The following IGLON5 variants were observed in gnomAD, a reference collection of about 807,000 sequenced individuals.
IGLON5 encodes the protein Ig-like domain-containing protein ENSP00000270642.
Under a neutral mutation model 38.2 loss-of-function variants are expected in IGLON5, and 16 were observed. That is an observed-to-expected ratio of 0.42 (90% confidence interval 0.28 to 0.64). The LOEUF (loss-of-function observed/expected upper bound fraction) is 0.64. Among genes scored for constraint, IGLON5 ranks in the 30% least tolerant of loss-of-function variants. The pLI, the probability that IGLON5 is intolerant of heterozygous loss-of-function variation, is 0.23. For missense variants in IGLON5, 366 were observed against 483.4 expected (o/e 0.76, Z 2.28); for synonymous variants, 207 against 216.4 (o/e 0.96, Z 0.38).
chr19:51,312,152 C>G (rs892701221), intron 1 of IGLON5, among the ~76,000 whole-genome samples: 5 of 151,998 alleles, frequency 3.3e-5, no homozygotes, highest in African/African-American at 9.7e-5. Flanking sequence ...GTCCTCGGGC[C>G]GGAGCCGGGT....
Position 51,327,728 on chromosome 19 carries a change from G to A in IGLON5, c.768-4G>A. On this transcript the variant is annotated splice_region_variant and splice_polypyrimidine_tract_variant and intron_variant, in intron 6 of 7. Transcript: ENST00000270642. This position sits in a 1 kb window ranked among gnomAD's most constrained non-coding sequence, Gnocchi z 7.1. ...GCCCGGCCCCTGACCCGGATCCCTG[G>A]CAGGCTGAGCAGCGGCACGGCCGAA... 1 of 1,566,432 alleles carries A rather than the reference G, an allele frequency of 6.4e-7. No homozygotes were observed. Among genetic ancestry groups the A allele is most frequent in the Non-Finnish European group, 8.6e-7 (1 of 1,160,096 alleles).
At chr19:51,314,602 G>C (rs1029840305) in intron 1 of IGLON5, among the ~76,000 whole-genome samples, 2 of 152,138 alleles carry the variant, frequency 1.3e-5, no homozygotes, top group Non-Finnish European at 2.9e-5. Flanking sequence ...TCTGGTCTTA[G>C]GTTCCCCTTT....
rs539298504 is a variant in IGLON5 at position 51,322,134 on chromosome 19, C to T, written c.150C>T (p.Ala50=). The T allele has an allele frequency of 8.7e-6, 14 of 1,612,134 alleles. No individual in the cohort carries two copies. Among genetic ancestry groups the T allele is most frequent in the Non-Finnish European group, 1.2e-5 (14 of 1,179,146 alleles). Residue 50 remains alanine (A), a synonymous_variant, in exon 2 of 8, where the codon GCC becomes GCT. Transcript: ENST00000270642. ...ACACAGTGTGTGAAGGTGACAACGC[C>T]ACCCTCAGGTACCTCCCTCGGTGGG... ...DNYTVCEGDN[A]TLSCFIDEHV... is the part of the protein sequence containing the mutation.
At position 51,328,761 on chromosome 19, in the gene IGLON5, C is replaced by T. The variant is rs1323313889; in HGVS notation, c.*2C>T. 3.1e-6 allele frequency: 5 copies of T among 1,594,386 alleles called. No individual in the cohort carries two copies. Among genetic ancestry groups the T allele is most frequent in the African/African-American group, 1.3e-5 (1 of 74,196 alleles). On this transcript the variant is annotated 3_prime_UTR_variant, in exon 8 of 8. Transcript: ENST00000270642. ...GGCTGGCTGTGGTGGAGAATGTAGGCGCAACCCAGTGGAGCTCACCTCCCC... is the reference window on the plus strand; with the variant it reads ...GGCTGGCTGTGGTGGAGAATGTAGGTGCAACCCAGTGGAGCTCACCTCCCC...
intron 2 of IGLON5, 104 bp from the exon 3 acceptor site, chr19:51,323,558 G>C: frequency 2.2e-6 from 2 of 892,136 alleles, no homozygotes; most frequent in Non-Finnish European, 3.5e-6. Context: ...GGCTGTGGTG[G>C]GACCTGGAGA....
In IGLON5 at chr19:51,325,342, G is replaced by A. The variant is rs777915653; in HGVS notation, c.392-4G>A. The A allele has an allele frequency of 9.3e-6, 15 of 1,613,146 alleles. No homozygotes were observed. Among genetic ancestry groups the A allele is most frequent in the Middle Eastern group, 1.6e-4 (1 of 6,072 alleles). ...CCATATTCAGCCTCTGCCGCTGCCC[G>A]CAGTCCCTGCCCGCATTGTGAACAT... is the stretch of plus-strand genomic sequence containing the variant. On this transcript the variant is annotated splice_polypyrimidine_tract_variant and splice_region_variant and intron_variant, in intron 3 of 7. Transcript: ENST00000270642. The surrounding 1 kb of genome is among the most constrained non-coding windows in gnomAD (Gnocchi z 5.5).
At position 51,328,664 on chromosome 19, in the gene IGLON5, C is replaced by T. The variant is rs1431986004; in HGVS notation, c.923-7C>T. 3 of 1,555,896 alleles carry T rather than the reference C, an allele frequency of 1.9e-6. No homozygotes were observed. Among genetic ancestry groups the T allele is most frequent in the Non-Finnish European group, 1.7e-6 (2 of 1,149,688 alleles). On this transcript the variant is annotated splice_region_variant and splice_polypyrimidine_tract_variant and intron_variant, in intron 7 of 7. Transcript: ENST00000270642. ...GCCTCCCTCCATGACCCCTTCTCTT[C>T]CCCCAGGCCCAGGATCCCTGGAGAA... is the stretch of plus-strand genomic sequence containing the variant.
chr19:51,321,698 G>T (rs1568458362), intron 1 of IGLON5, among the ~76,000 whole-genome samples: 1 of 152,224 alleles, frequency 6.6e-6, no homozygotes, highest in Non-Finnish European at 1.5e-5. Flanking sequence ...CTGTATGTGT[G>T]TGTTTGTGTG....
chr19:51,327,623 TG>T lies in IGLON5; in HGVS notation c.768-105del. ...GCTAGAACCCGAGGCGATGGGTCAC[TG>T]GGGTAGGGGGCAGAATGCTGGGTCA... On this transcript the variant is annotated intron_variant, in intron 6 of 7. Coordinates refer to ENST00000270642, the MANE Select transcript of IGLON5 (RefSeq NM_001101372.3). The surrounding 1 kb of genome is among the most constrained non-coding windows in gnomAD (Gnocchi z 7.1). 2 of 1,453,374 alleles carry T rather than the reference TG, an allele frequency of 1.4e-6. No individual in the cohort carries two copies. The highest frequency in any genetic ancestry group is 9.1e-7 in the Non-Finnish European group (1 of 1,093,652). 90.0% of individuals were successfully genotyped at this position (1,453,374 alleles called of 1,614,324 possible). A position where few individuals can be genotyped will look rare whatever the true frequency, so the allele number is the denominator to read the frequency against.
At chr19:51,317,068 A>C (rs1984943564) in intron 1 of IGLON5, among the ~76,000 whole-genome samples, 1 of 152,122 alleles carries the variant, frequency 6.6e-6, no homozygotes, top group Non-Finnish European at 1.5e-5. Flanking sequence ...GCAGGGCGGC[A>C]GAAGATTCTC....
In IGLON5 at chr19:51,325,314, C is replaced by A. The variant is rs1169037436; in HGVS notation, c.392-32C>A. 6.2e-7 allele frequency: 1 copy of A among 1,606,394 alleles called. No homozygotes were observed. The highest frequency in any genetic ancestry group is 1.7e-5 in the Admixed American group (1 of 58,714). Reference sequence around the variant, plus strand: ...AGGGCTGGGGGCCTGGATTCCTGGGCATCCATATTCAGCCTCTGCCGCTGC... The same window carrying A: ...AGGGCTGGGGGCCTGGATTCCTGGGAATCCATATTCAGCCTCTGCCGCTGC... On this transcript the variant is annotated intron_variant, in intron 3 of 7. Transcript: ENST00000270642. The surrounding 1 kb of genome is among the most constrained non-coding windows in gnomAD (Gnocchi z 5.5).
chr19:51,322,032 T>A, intron 1 of IGLON5, 32 bp from the exon 2 acceptor site: 1 of 1,592,400 alleles, frequency 6.3e-7, no homozygotes, highest in Non-Finnish European at 8.6e-7. Flanking sequence ...TTGCCTGAGC[T>A]GCCAAGGCTG....
rs1269861140 is a variant in IGLON5 at position 51,325,365 on chromosome 19, C to T, written c.411C>T (p.Asn137=). Residue 137 remains asparagine, a synonymous_variant, in exon 4 of 8, where the codon AAC becomes AAT. Transcript: ENST00000270642. This position sits in a 1 kb window ranked among gnomAD's most constrained non-coding sequence, Gnocchi z 5.5. The part of the protein sequence containing the change: ...LIVHVPARIV[N]ISSPVTVNEG... ...CCGCAGTCCCTGCCCGCATTGTGAA[C>T]ATCTCGTCGCCTGTGACGGTGAATG... The T allele has an allele frequency of 9.3e-6, 15 of 1,613,824 alleles. No homozygotes were observed. Among genetic ancestry groups the T allele is most frequent in the Non-Finnish European group, 1.3e-5 (15 of 1,179,804 alleles).
At chr19:51,320,633 C>T (rs1271328588) in intron 1 of IGLON5, among the ~76,000 whole-genome samples, 1 of 152,166 alleles carries the variant, frequency 6.6e-6, no homozygotes, top group African/African-American at 2.4e-5. Flanking sequence ...CAAACTTGAG[C>T]ACACAGTGTG....
At chr19:51,319,287 A>C (rs989656729) in intron 1 of IGLON5, among the ~76,000 whole-genome samples, 2 of 139,914 alleles carry the variant, frequency 1.4e-5, no homozygotes, top group Non-Finnish European at 3.0e-5. Context: ...GTGACTTTCC[A>C]ATTCCCTGTG....
chr19:51,322,160 TG>T lies in IGLON5; in HGVS notation c.158+22del. 6.3e-7 allele frequency: 1 copy of T among 1,595,740 alleles called. No individual in the cohort carries two copies. Among genetic ancestry groups the T allele is most frequent in the Non-Finnish European group, 8.6e-7 (1 of 1,165,830 alleles). Reference sequence around the variant, plus strand: ...ACCCTCAGGTACCTCCCTCGGTGGGTGGGGACTCAGATCTCATGGAGCCATG... The same window carrying T: ...ACCCTCAGGTACCTCCCTCGGTGGGTGGGACTCAGATCTCATGGAGCCATG... On this transcript the variant is annotated intron_variant, in intron 2 of 7. Coordinates refer to ENST00000270642, the MANE Select transcript of IGLON5 (RefSeq NM_001101372.3).
At chr19:51,312,073 G>C in intron 1 of IGLON5, 147 bp downstream of exon 1, 2 of 393,168 alleles carry the variant, frequency 5.1e-6, no homozygotes, top group Non-Finnish European at 8.5e-6. Flanking sequence ...CCGGGGGTGG[G>C]GTCTGCATTC....
chr19:51,319,255 C>T (rs1568457836), intron 1 of IGLON5, among the ~76,000 whole-genome samples: 2 of 151,938 alleles, frequency 1.3e-5, no homozygotes, highest in Non-Finnish European at 2.9e-5. Flanking sequence ...CACTACCCGT[C>T]GTTCGGTCCA....
intron 1 of IGLON5, among the ~76,000 whole-genome samples, chr19:51,316,498 C>CTTTTTTTTTTTTTTTTTTTTTTTT (rs542147400): frequency 4.4e-5 from 6 of 136,098 alleles, no homozygotes; most frequent in Non-Finnish European, 9.6e-5. Flanking sequence ...CTTTTCTTTT[C>CTTTTTTTTTTTTTTTTTTTTTTTT]TTTTTTTTTT....
Sources: allele counts gnomAD v4.1 joint callset (sites outside exome capture counted in the v4.1 genomes callset), GRCh38; gene constraint gnomAD v4.1.1; non-coding constraint Gnocchi (gnomAD v3.1); transcripts MANE v1.5; gene names NCBI Gene and HGNC (gene_info 2026-07-23, HGNC 2026-07-21).